Variants in CDC14B observed in about 807,000 individuals in gnomAD.
CDC14B encodes dual specificity protein phosphatase CDC14B.
In CDC14B, 22 loss-of-function variants were observed where a neutral mutation model predicts 64.2. The ratio of observed to expected loss-of-function variants is 0.34; its 90% CI spans 0.24 to 0.49. CDC14B has a LOEUF of 0.49. Ranked by LOEUF, CDC14B falls within the 20% of genes least tolerant of loss-of-function variation. The probability of loss-of-function intolerance (pLI) is 0.99; values close to 1 mark genes in which losing one functional copy is unlikely to be tolerated. For synonymous variants in CDC14B, 191 were observed against 215.8 expected, an observed-to-expected ratio of 0.89 and a Z score of 1.01; for missense variants, 498 against 629.9, an observed-to-expected ratio of 0.79 and a Z score of 2.24.
intron 12 of CDC14B, chr9:96,514,405 A>G: frequency 1.0e-6 from 1 of 984,690 alleles, no homozygotes; most frequent in Non-Finnish European, 1.2e-6. Context: ...CCAAAAGGTT[A>G]ATCTATCTCA....
At chr9:96,596,837 C>A (rs947207268) in intron 1 of CDC14B, among the ~76,000 whole-genome samples, 10 of 146,304 alleles carry the variant, frequency 6.8e-5, no homozygotes, top group Non-Finnish European at 1.3e-4. Context: ...CCAGCCTGGA[C>A]GGCAGATGGA....
At chr9:96,495,039 T>A (rs1012728455) in intron 13 of CDC14B, among the ~76,000 whole-genome samples, 2 of 151,784 alleles carry the variant, frequency 1.3e-5, no homozygotes, top group African/African-American at 4.8e-5. Flanking sequence ...TTTCACCGTG[T>A]TAGCCAGGAT....
chr9:96,518,978 T>C (rs1836213853), intron 12 of CDC14B, among the ~76,000 whole-genome samples: 1 of 151,594 alleles, frequency 6.6e-6, no homozygotes, highest in Admixed American at 6.6e-5. Context: ...CTACTAAAAA[T>C]ACAAAAATTT....
At chr9:96,528,573 G>A (rs774387222) in intron 9 of CDC14B, among the ~76,000 whole-genome samples, 1 of 152,114 alleles carries the variant, frequency 6.6e-6, no homozygotes, top group African/African-American at 2.4e-5. Flanking sequence ...CAACATGGGT[G>A]TAAAAATATC....
At chr9:96,520,074 A>G (rs377480740) in intron 12 of CDC14B, among the ~76,000 whole-genome samples, 19 of 152,234 alleles carry the variant, frequency 1.2e-4, no homozygotes, top group East Asian at 9.6e-4. Context: ...AAAAACTGCA[A>G]ATAATAGCAG....
chr9:96,613,804 C>T (rs945408042), intron 1 of CDC14B, among the ~76,000 whole-genome samples: 5 of 152,186 alleles, frequency 3.3e-5, no homozygotes, highest in African/African-American at 7.2e-5. Context: ...CAGTGTTCTA[C>T]ATAACAGCAT....
At chr9:96,554,940 C>T (rs1478396671) in intron 4 of CDC14B, among the ~76,000 whole-genome samples, 1 of 152,128 alleles carries the variant, frequency 6.6e-6, no homozygotes, top group East Asian at 1.9e-4. Context: ...GATCTATCAC[C>T]GTGCTTCTGG....
chr9:96,571,032 A>G (rs557858855), intron 1 of CDC14B, among the ~76,000 whole-genome samples: 1 of 152,386 alleles, frequency 6.6e-6, no homozygotes, highest in South Asian at 2.1e-4. Flanking sequence ...ATTTCAATTC[A>G]GTAACAAAGA....
rs775076238 is a variant in CDC14B, at chr9:96,599,395, GAGA to G, written c.160+19821_160+19823del. On this transcript the variant is annotated intron_variant, in intron 1 of 13. Coordinates refer to ENST00000375241, the MANE Select transcript of CDC14B (RefSeq NM_033331.4). ...AAACTCCGTTTAAAAAAAAAAAAAG[GAGA>G]AGAAGTACTCAAAAATAATAGTTAC... is the stretch of plus-strand genomic sequence containing the variant. Among the ~76,000 whole-genome samples, 10 of 151,476 alleles carry G rather than the reference GAGA, an allele frequency of 6.6e-5. No homozygotes were observed. In the South Asian group the frequency reaches 1.0e-3, roughly 16 times the overall value.
chr9:96,559,838 T>C (rs997333064), intron 4 of CDC14B, among the ~76,000 whole-genome samples: 1 of 152,160 alleles, frequency 6.6e-6, no homozygotes, highest in Non-Finnish European at 1.5e-5. Context: ...AGGTGTGAAA[T>C]TCTGGAAGGA....
chr9:96,557,683 T>C (rs1842667581), intron 4 of CDC14B, among the ~76,000 whole-genome samples: 1 of 152,216 alleles, frequency 6.6e-6, no homozygotes, highest in South Asian at 2.1e-4. Context: ...ATTAGTATCA[T>C]CATTTTCAAC....
At chr9:96,499,192 T>C (rs1445487473), downstream of CDC14B, among the ~76,000 whole-genome samples, 2 of 152,148 alleles carry the variant, frequency 1.3e-5, no homozygotes, top group East Asian at 1.9e-4. Context: ...TGGGGGGTCA[T>C]GTGTGGTGTG....
At chr9:96,523,192 C>T (rs1479115193) in intron 11 of CDC14B, 69 bp downstream of exon 11, 25 of 1,511,458 alleles carry the variant, frequency 1.7e-5, no homozygotes, top group Non-Finnish European at 2.1e-5. Flanking sequence ...ACGGTTTTCT[C>T]CATACCCTGA....
chr9:96,556,400 T>C (rs544246481), intron 4 of CDC14B, among the ~76,000 whole-genome samples: 2 of 152,078 alleles, frequency 1.3e-5, no homozygotes, highest in South Asian at 4.2e-4. Flanking sequence ...TCAATGCAAG[T>C]TGAAGATAGG....
chr9:96,503,025 C>T lies in CDC14B; in HGVS notation c.*728G>A, dbSNP rs1467377122. ...AGTCCCTGAAGGACAGAAAAAGGAA[C>T]GACTTGCAACATCTTCCAACTCTGA... On this transcript the variant is annotated 3_prime_UTR_variant, in exon 14 of 14. Transcript: ENST00000375241. 4 of 395,208 alleles carry T rather than the reference C, an allele frequency of 1.0e-5. No homozygotes were observed. The highest frequency in any genetic ancestry group is 2.7e-4 in the South Asian group (2 of 7,440). The allele number at this position is 395,208 out of a possible 1,614,324, so 24.5% of individuals were successfully genotyped here. A position where few individuals can be genotyped will look rare whatever the true frequency, so the allele number is the denominator to read the frequency against.
intron 13 of CDC14B, among the ~76,000 whole-genome samples, chr9:96,508,159 G>A (rs1380041859): frequency 2.0e-5 from 3 of 151,922 alleles, no homozygotes; most frequent in Non-Finnish European, 2.9e-5. Flanking sequence ...GGGACCACAG[G>A]TGCCTGCCAC....
chr9:96,599,423 C>T (rs1846285913), intron 1 of CDC14B, among the ~76,000 whole-genome samples: 1 of 151,672 alleles, frequency 6.6e-6, no homozygotes, highest in Non-Finnish European at 1.5e-5. Context: ...ATAATAGTTA[C>T]ATTCCATTGG....
intron 1 of CDC14B, among the ~76,000 whole-genome samples, chr9:96,614,915 A>T (rs1232869189): frequency 6.6e-6 from 1 of 152,158 alleles, no homozygotes; most frequent in Non-Finnish European, 1.5e-5. Flanking sequence ...ATCTCAGCTC[A>T]CTGCAACTTC....
At chr9:96,498,617 T>C (rs1833347457), downstream of CDC14B, among the ~76,000 whole-genome samples, 1 of 152,228 alleles carries the variant, frequency 6.6e-6, no homozygotes, top group Non-Finnish European at 1.5e-5. Flanking sequence ...GTACCAAAAA[T>C]ATCAGAAACT....
Sources: gnomAD v4.1 joint callset for allele counts (sites outside exome capture counted in the v4.1 genomes callset) on GRCh38, gnomAD v4.1.1 for gene constraint, MANE v1.5 for transcripts, NCBI Gene and HGNC (gene_info 2026-07-23, HGNC 2026-07-21) for gene names.